Variants in CNTNAP5 observed in about 807,000 individuals in gnomAD.
CNTNAP5 encodes the protein contactin associated protein family member 5.
In CNTNAP5, 72 loss-of-function variants were observed where a neutral mutation model predicts 150.2. That is an observed-to-expected ratio of 0.48 (90% CI 0.40 to 0.58). The LOEUF is 0.58. CNTNAP5 is among the 20% of genes least tolerant of loss of function. The probability of loss-of-function intolerance (pLI) is 0.00; values close to 1 mark genes in which losing one functional copy is unlikely to be tolerated. For synonymous variants in CNTNAP5, 672 were observed against 619.8 expected (o/e 1.08, Z -1.25); for missense variants, 1,636 against 1,626.2 (o/e 1.01, Z -0.10).
chr2:124,588,042 T>G (rs1215174617), intron 11 of CNTNAP5, among the ~76,000 whole-genome samples: 1 of 152,098 alleles, frequency 6.6e-6, no homozygotes, highest in Non-Finnish European at 1.5e-5. Context: ...CACGATTTAA[T>G]AAGAGTTAAT....
At chr2:124,450,418 T>C (rs1352555963) in intron 6 of CNTNAP5, among the ~76,000 whole-genome samples, 2 of 151,692 alleles carry the variant, frequency 1.3e-5, no homozygotes, top group Non-Finnish European at 2.9e-5. Context: ...TAGACTACCT[T>C]AGGGGATATC....
chr2:124,669,518 A>G (rs988860100), intron 13 of CNTNAP5, among the ~76,000 whole-genome samples: 2 of 152,184 alleles, frequency 1.3e-5, no homozygotes, highest in African/African-American at 4.8e-5. Context: ...TTCATCATCT[A>G]TGCATTCTTC....
rs1316203423 is a variant in CNTNAP5 at position 124,865,392 on chromosome 2, C to T, written c.3304C>T (p.His1102Tyr). 2 of 1,553,288 alleles carry T rather than the reference C, an allele frequency of 1.3e-6. 1 individual carries two copies. The highest frequency in any genetic ancestry group is 2.4e-5 in the South Asian group (2 of 84,170). ...AGATAACTTTGCTAACAGAAGGATG[C>T]ACCACTTGAAGATTAACCGAGAGGG... is the stretch of plus-strand genomic sequence containing the variant. ...DADNFANRRMHHLKINREGRE... is the reference protein window; with the variant it reads ...DADNFANRRMYHLKINREGRE... The change falls in exon 20 of 24, where the codon CAC (histidine) becomes TAC (tyrosine). Residue 1102 changes from histidine to tyrosine, a missense_variant. Coordinates refer to ENST00000682447, the MANE Select transcript of CNTNAP5 (RefSeq NM_001367498.1).
intron 1 of CNTNAP5, among the ~76,000 whole-genome samples, chr2:124,104,006 T>G: frequency 6.8e-6 from 1 of 147,830 alleles, no homozygotes; most frequent in Non-Finnish European, 1.5e-5. Context: ...ATGAATTATA[T>G]ATTTATATAT....
chr2:124,324,459 G>A (rs1015037415), intron 3 of CNTNAP5, among the ~76,000 whole-genome samples: 8 of 152,336 alleles, frequency 5.3e-5, no homozygotes, highest in East Asian at 1.9e-4. Context: ...ATAACGAAAG[G>A]GAGTGAGATT....
chr2:124,811,944 A>G (rs1413026033), intron 19 of CNTNAP5, among the ~76,000 whole-genome samples: 5 of 116,404 alleles, frequency 4.3e-5, no homozygotes, highest in Admixed American at 1.3e-4. Context: ...CTCCATCTCA[A>G]AAAATATATA....
At chr2:124,742,795 T>C (rs730468) in intron 13 of CNTNAP5, among the ~76,000 whole-genome samples, 38,951 of 152,054 alleles carry the variant, frequency 0.26, 5,601 homozygotes, top group Non-Finnish European at 0.34. Flanking sequence ...CAGAGGACCT[T>C]GACAACTCCC....
At chr2:124,046,516 C>T (rs1217178947) in intron 1 of CNTNAP5, among the ~76,000 whole-genome samples, 1 of 151,574 alleles carries the variant, frequency 6.6e-6, no homozygotes, top group Admixed American at 6.6e-5. Flanking sequence ...ACAGCCGCCT[C>T]CTGCTGAGAA....
chr2:124,787,901 T>C (rs969655081), intron 17 of CNTNAP5, among the ~76,000 whole-genome samples: 2 of 152,232 alleles, frequency 1.3e-5, no homozygotes, highest in Admixed American at 6.5e-5. Context: ...AATAAAGTTG[T>C]AGAATAATTT....
chr2:124,058,530 T>C (rs73952575), intron 1 of CNTNAP5, among the ~76,000 whole-genome samples: 2,694 of 152,282 alleles, frequency 0.018, 89 homozygotes, highest in African/African-American at 0.061. Context: ...TTTTCCATGC[T>C]TTCAAAAATT....
intron 1 of CNTNAP5, among the ~76,000 whole-genome samples, chr2:124,107,638 G>A (rs1233922688): frequency 1.3e-5 from 2 of 152,160 alleles, no homozygotes; most frequent in African/African-American, 2.4e-5. Context: ...ATTTCCTCTG[G>A]TGACTGTATC....
intron 19 of CNTNAP5, among the ~76,000 whole-genome samples, chr2:124,817,880 T>C (rs1682399348): frequency 6.6e-6 from 1 of 152,124 alleles, no homozygotes; most frequent in Admixed American, 6.6e-5. Flanking sequence ...AGGAGGTGCA[T>C]TGCAGATAAT....
chr2:124,897,976 T>A (rs1172217352), intron 21 of CNTNAP5, among the ~76,000 whole-genome samples: 1 of 141,894 alleles, frequency 7.0e-6, no homozygotes, highest in Non-Finnish European at 1.6e-5. Context: ...TGTGTGTGTG[T>A]GTATGTGTGT....
intron 13 of CNTNAP5, among the ~76,000 whole-genome samples, chr2:124,681,985 G>A (rs963207487): frequency 6.6e-6 from 1 of 152,172 alleles, no homozygotes; most frequent in Non-Finnish European, 1.5e-5. Flanking sequence ...GCTTTGCTAT[G>A]TGTCTTCCTC....
intron 10 of CNTNAP5, among the ~76,000 whole-genome samples, chr2:124,557,409 G>A (rs1056515590): frequency 1.3e-5 from 2 of 152,142 alleles, no homozygotes; most frequent in African/African-American, 4.8e-5. Flanking sequence ...AGAGCGTGCA[G>A]GTAATAGTAA....
chr2:124,327,529 A>T (rs1689249245), intron 3 of CNTNAP5, among the ~76,000 whole-genome samples: 1 of 152,024 alleles, frequency 6.6e-6, no homozygotes. Context: ...ATCAACACAG[A>T]CCTTAAATCT....
chr2:124,872,218 CTTTTG>C (rs1419203096), intron 21 of CNTNAP5, among the ~76,000 whole-genome samples: 2 of 151,740 alleles, frequency 1.3e-5, no homozygotes, highest in Non-Finnish European at 2.9e-5. Context: ...TGTCTCTGTT[CTTTTG>C]TTTGTTTCCA....
At chr2:124,477,438 C>A (rs764075887) in intron 7 of CNTNAP5, among the ~76,000 whole-genome samples, 5 of 152,026 alleles carry the variant, frequency 3.3e-5, no homozygotes, top group Admixed American at 1.3e-4. Context: ...AGATTGTCAG[C>A]ATTTTAAAAG....
At chr2:124,290,060 C>T (rs972159083) in intron 3 of CNTNAP5, among the ~76,000 whole-genome samples, 1 of 152,056 alleles carries the variant, frequency 6.6e-6, no homozygotes, top group African/African-American at 2.4e-5. Flanking sequence ...TCTTTGAAGA[C>T]ATTGCAAAGG....
Sources: gnomAD v4.1 joint callset for allele counts (sites outside exome capture counted in the v4.1 genomes callset) on GRCh38, gnomAD v4.1.1 for gene constraint, MANE v1.5 for transcripts, NCBI Gene and HGNC (gene_info 2026-07-23, HGNC 2026-07-21) for gene names.